The following CCDC148 variants were observed in gnomAD, a reference collection of about 807,000 sequenced individuals.
CCDC148 encodes the protein coiled-coil domain containing 148.
A neutral mutation model predicts 85.7 loss-of-function variants in CCDC148; 89 were observed. The ratio of observed to expected loss-of-function variants is 1.04; its 90% CI spans 0.87 to 1.24. The LOEUF is 1.24. Ranked by LOEUF, CCDC148 falls within the 50% of genes most tolerant of loss-of-function variation. The pLI is 0.00. For missense variants in CCDC148, 692 were observed against 671.7 expected (o/e 1.03, Z -0.33); for synonymous variants, 230 against 213.9 (o/e 1.08, Z -0.66).
At chr2:158,331,372 T>G (rs1002312755) in intron 7 of CCDC148, among the ~76,000 whole-genome samples, 124 of 152,196 alleles carry the variant, frequency 8.1e-4, no homozygotes, top group African/African-American at 2.8e-3. Flanking sequence ...GTCTGAGAGA[T>G]AGTTTGTTAT....
At chr2:158,401,201 G>T (rs1292456058) in intron 1 of CCDC148, among the ~76,000 whole-genome samples, 2 of 152,084 alleles carry the variant, frequency 1.3e-5, no homozygotes, top group East Asian at 3.9e-4. Context: ...CCATTACTGG[G>T]TATATACCCA....
At chr2:158,255,857 A>C (rs1322053986) in intron 9 of CCDC148, among the ~76,000 whole-genome samples, 1 of 151,712 alleles carries the variant, frequency 6.6e-6, no homozygotes, top group Non-Finnish European at 1.5e-5. Flanking sequence ...GTTTTAATTA[A>C]TACTTTGCTT....
At chr2:158,340,157 C>T (rs1305374140) in intron 5 of CCDC148, 85 bp downstream of exon 5, 3 of 1,181,444 alleles carry the variant, frequency 2.5e-6, no homozygotes, top group East Asian at 4.8e-5. Context: ...ATACAGGTCA[C>T]ACATGTTTGT....
intron 7 of CCDC148, among the ~76,000 whole-genome samples, chr2:158,322,676 A>G (rs1166526315): frequency 1.3e-5 from 2 of 152,096 alleles, no homozygotes; most frequent in African/African-American, 2.4e-5. Context: ...CTTAAAAATT[A>G]CTAATGAGTA....
chr2:158,237,842 C>T (rs35192025), intron 10 of CCDC148, among the ~76,000 whole-genome samples: 74,694 of 151,918 alleles, frequency 0.49, 21,459 homozygotes, highest in East Asian at 0.8. Flanking sequence ...GAAGATGGAA[C>T]GGTGAGGAGT....
At chr2:158,201,779 G>A (rs1685976756) in intron 11 of CCDC148, among the ~76,000 whole-genome samples, 1 of 151,818 alleles carries the variant, frequency 6.6e-6, no homozygotes, top group African/African-American at 2.4e-5. Flanking sequence ...TACTTGGGAG[G>A]GGTTAAAAAA....
At chr2:158,312,465 C>G (rs1323729046) in intron 8 of CCDC148, among the ~76,000 whole-genome samples, 3 of 151,078 alleles carry the variant, frequency 2.0e-5, no homozygotes, top group Non-Finnish European at 4.4e-5. Context: ...ACCTGTAGTC[C>G]CAGCTACTCT....
chr2:158,424,894 A>G, intron 1 of CCDC148: 1 of 269,678 alleles, frequency 3.7e-6, no homozygotes, highest in Non-Finnish European at 7.4e-6. Flanking sequence ...TATATAGATG[A>G]AGAGCCAGTA....
chr2:158,177,501 T>G (rs1684651190), intron 12 of CCDC148, among the ~76,000 whole-genome samples: 1 of 152,138 alleles, frequency 6.6e-6, no homozygotes, highest in African/African-American at 2.4e-5. Context: ...ATACTGATTA[T>G]AGATAAGAGA....
intron 1 of CCDC148, among the ~76,000 whole-genome samples, chr2:158,426,323 G>A (rs1472944500): frequency 6.6e-6 from 1 of 152,034 alleles, no homozygotes; most frequent in East Asian, 1.9e-4. Context: ...GGCATTCTGA[G>A]GAAGCTGTAT....
At chr2:158,443,597 G>A (rs1446277048) in intron 1 of CCDC148, among the ~76,000 whole-genome samples, 1 of 151,796 alleles carries the variant, frequency 6.6e-6, no homozygotes, top group African/African-American at 2.4e-5. Context: ...AACCAACAAG[G>A]GGATGAAAAT....
At chr2:158,393,446 T>A (rs72942382) in intron 1 of CCDC148, 8,249 of 152,180 alleles carry the variant, frequency 0.054, 317 homozygotes, top group Non-Finnish European at 0.073. Context: ...GAGTCTTTAA[T>A]AGCAGGGGGC....
chr2:158,401,678 A>G (rs968660072), intron 1 of CCDC148, among the ~76,000 whole-genome samples: 3 of 152,080 alleles, frequency 2.0e-5, no homozygotes, highest in Non-Finnish European at 4.4e-5. Flanking sequence ...GTACCCTAGA[A>G]CTTAAAAGTA....
intron 11 of CCDC148, among the ~76,000 whole-genome samples, chr2:158,185,035 C>T (rs1484654664): frequency 6.6e-6 from 1 of 152,164 alleles, no homozygotes; most frequent in Non-Finnish European, 1.5e-5. Context: ...AAGTTACTAC[C>T]TAGACAGGGC....
intron 2 of CCDC148, among the ~76,000 whole-genome samples, chr2:158,355,862 G>A (rs1010311997): frequency 6.0e-5 from 8 of 134,192 alleles, no homozygotes; most frequent in Non-Finnish European, 1.1e-4. Flanking sequence ...AAACAGCATG[G>A]TACTGGTACC....
intron 11 of CCDC148, among the ~76,000 whole-genome samples, chr2:158,180,067 C>T (rs1445141440): frequency 2.0e-5 from 3 of 152,150 alleles, no homozygotes; most frequent in Non-Finnish European, 2.9e-5. Flanking sequence ...AAAGAGTAGG[C>T]ACCTGGGTTC....
At chr2:158,397,009 C>A (rs552760409) in intron 1 of CCDC148, among the ~76,000 whole-genome samples, 6 of 152,084 alleles carry the variant, frequency 3.9e-5, no homozygotes, top group African/African-American at 1.4e-4. Flanking sequence ...AGAGCAGTTT[C>A]TATCTGCTGC....
At chr2:158,270,008 G>A (rs1156405122) in intron 9 of CCDC148, among the ~76,000 whole-genome samples, 1 of 152,030 alleles carries the variant, frequency 6.6e-6, no homozygotes, top group African/African-American at 2.4e-5. Flanking sequence ...TCCTTCTTTG[G>A]TGAGTAATAT....
chr2:158,450,687 C>G (rs551424819), intron 1 of CCDC148, among the ~76,000 whole-genome samples: 2 of 151,880 alleles, frequency 1.3e-5, no homozygotes, highest in East Asian at 3.9e-4. Flanking sequence ...TACTGTGATT[C>G]CCTTGTGTAA....
Sources: allele counts gnomAD v4.1 joint callset (sites outside exome capture counted in the v4.1 genomes callset), GRCh38; gene constraint gnomAD v4.1.1; transcripts MANE v1.5; gene names NCBI Gene and HGNC (gene_info 2026-07-23, HGNC 2026-07-21).